Variants in OR2L13 observed in about 807,000 individuals in gnomAD.
OR2L13 encodes the protein olfactory receptor 2L13.
Under a neutral mutation model 15.3 loss-of-function variants are expected in OR2L13, and 14 were observed. That is an observed-to-expected ratio of 0.91 (90% CI 0.60 to 1.43). The LOEUF is 1.43. Among genes scored for constraint, OR2L13 ranks in the 40% most tolerant of loss-of-function variants. The pLI, the probability that OR2L13 is intolerant of heterozygous loss-of-function variation, is 0.00. For missense variants in OR2L13, 367 were observed against 387.9 expected (o/e 0.95, Z 0.45); for synonymous variants, 152 against 142.9 (o/e 1.06, Z -0.45).
chr1:248,096,339 G>C (rs1281102711), upstream of OR2L13, among the ~76,000 whole-genome samples: 2 of 151,270 alleles, frequency 1.3e-5, no homozygotes, highest in African/African-American at 4.9e-5. Context: ...GCCAAGATCA[G>C]GCCACTGCAC....
the OR2L13 span, among the ~76,000 whole-genome samples, chr1:247,967,902 C>T: frequency 6.6e-6 from 1 of 150,920 alleles, no homozygotes; most frequent in Non-Finnish European, 1.5e-5. Context: ...CCTTCCTCGT[C>T]CTCTTCCTCT....
chr1:247,990,584 T>C, the OR2L13 span: 1 of 1,559,594 alleles, frequency 6.4e-7, no homozygotes, highest in East Asian at 2.2e-5. Flanking sequence ...TTCCTGACTT[T>C]AGCAGGTGCA....
the OR2L13 span, chr1:248,038,996 C>T: frequency 6.2e-7 from 1 of 1,614,142 alleles, no homozygotes; most frequent in African/African-American, 1.3e-5. Flanking sequence ...GTAGCACCCA[C>T]CTCACTGTAG....
At chr1:248,100,363 C>T (rs750832211) in exon 3 of OR2L13, 1 of 1,132,194 alleles carries the variant, frequency 8.8e-7, no homozygotes, top group Non-Finnish European at 1.3e-6. Flanking sequence ...AAGTTGATTC[C>T]AACACGCTAG....
chr1:248,084,432 G>A, the OR2L13 span: 2 of 1,583,444 alleles, frequency 1.3e-6, no homozygotes, highest in East Asian at 2.3e-5. Flanking sequence ...GTACATGGGC[G>A]TGTGGAGCCG....
chr1:247,954,927 C>CCATT, the OR2L13 span, among the ~76,000 whole-genome samples: 18 of 149,748 alleles, frequency 1.2e-4, no homozygotes, highest in Admixed American at 3.4e-4. Context: ...CTGAAATTTG[C>CCATT]CATTCATTCA....
chr1:248,038,937 G>T, the OR2L13 span: 1 of 1,614,058 alleles, frequency 6.2e-7, no homozygotes, highest in South Asian at 1.1e-5. Flanking sequence ...TCTCCTTGCT[G>T]TCTACCGCAT....
chr1:247,989,311 G>A, the OR2L13 span, among the ~76,000 whole-genome samples: 2 of 152,126 alleles, frequency 1.3e-5, no homozygotes, highest in East Asian at 3.8e-4. Context: ...TACTCCAAAT[G>A]AGCCATAGGC....
chr1:248,050,345 A>C, the OR2L13 span, among the ~76,000 whole-genome samples: 931 of 152,338 alleles, frequency 6.1e-3, 5 homozygotes, highest in Non-Finnish European at 0.011. Flanking sequence ...TTAATACAAA[A>C]GTAAAAGGGC....
At chr1:247,950,124 A>G in the OR2L13 span, among the ~76,000 whole-genome samples, 6 of 152,238 alleles carry the variant, frequency 3.9e-5, no homozygotes, top group Admixed American at 2.6e-4. Context: ...ATTATTGTCA[A>G]TTTATTTTCC....
the OR2L13 span, chr1:247,990,255 T>C: frequency 8.4e-6 from 7 of 836,668 alleles, no homozygotes; most frequent in African/African-American, 1.0e-4. Context: ...GGAAGGATCA[T>C]ATGAATGCTC....
chr1:247,981,292 T>C, the OR2L13 span, among the ~76,000 whole-genome samples: 3 of 152,292 alleles, frequency 2.0e-5, no homozygotes, highest in Non-Finnish European at 2.9e-5. Flanking sequence ...GTGTTGTTTT[T>C]GCGTAAAAAT....
the OR2L13 span, among the ~76,000 whole-genome samples, chr1:248,020,791 TTCA>T: frequency 1.3e-5 from 2 of 151,906 alleles, no homozygotes; most frequent in Admixed American, 1.3e-4. Flanking sequence ...TTTATTTCAT[TTCA>T]TTTTATTATT....
the OR2L13 span, among the ~76,000 whole-genome samples, chr1:248,016,615 T>C: frequency 5.3e-5 from 8 of 152,080 alleles, no homozygotes; most frequent in African/African-American, 1.9e-4. Context: ...ATTTTTGTTG[T>C]GGGTAATTAA....
At chr1:247,976,969 G>A in the OR2L13 span, among the ~76,000 whole-genome samples, 255 of 152,264 alleles carry the variant, frequency 1.7e-3, 3 homozygotes, top group African/African-American at 5.6e-3. Flanking sequence ...TACACATCAG[G>A]TATCATCTAC....
At chr1:247,942,502 ATAT>A in the OR2L13 span, among the ~76,000 whole-genome samples, 1 of 152,112 alleles carries the variant, frequency 6.6e-6, no homozygotes, top group African/African-American at 2.4e-5. Context: ...AAATTATATA[ATAT>A]TGGATTAGTC....
chr1:248,070,308 A>G, the OR2L13 span, among the ~76,000 whole-genome samples: 76 of 152,230 alleles, frequency 5.0e-4, 1 homozygote, highest in African/African-American at 1.7e-3. Context: ...ACTAGAACTC[A>G]GGATTAAGAA....
At chr1:248,095,886 T>G (rs1483466677), upstream of OR2L13, among the ~76,000 whole-genome samples, 1 of 151,102 alleles carries the variant, frequency 6.6e-6, no homozygotes, top group Admixed American at 6.6e-5. Flanking sequence ...CTTACAGACC[T>G]GAGCCACTGC....
the OR2L13 span, chr1:248,022,237 G>A: frequency 6.8e-6 from 11 of 1,613,956 alleles, no homozygotes; most frequent in Non-Finnish European, 7.6e-6. Context: ...ATTGGGTGTG[G>A]GATTCAGAGT....
Sources: gnomAD v4.1 joint callset for allele counts (sites outside exome capture counted in the v4.1 genomes callset) on GRCh38, gnomAD v4.1.1 for gene constraint, MANE v1.5 for transcripts, NCBI Gene and HGNC (gene_info 2026-07-23, HGNC 2026-07-21) for gene names.